PPFIA2: variants seen among roughly 807,000 people sequenced by gnomAD.
PPFIA2 encodes PPFI scaffold protein A2, also known as liprin-alpha-2.
PPFIA2 carries 46 observed loss-of-function variants against 175.5 expected under a neutral mutation model. The ratio of observed to expected loss-of-function variants is 0.26; its 90% CI spans 0.21 to 0.34. The LOEUF is 0.34. PPFIA2 is among the 10% of genes least tolerant of loss of function. PPFIA2 has a pLI of 1.00. For synonymous variants in PPFIA2, 568 were observed against 511.4 expected (o/e 1.11, Z -1.49); for missense variants, 1,179 against 1,506.1 (o/e 0.78, Z 3.60).
chr12:81,719,605 G>A lies in PPFIA2; in HGVS notation c.249+34368C>T, dbSNP rs559150462. Reference sequence around the variant, plus strand: ...TTAAGCCAAAGTGAAGCATTTGGAGGAATTAAAAAGTTTTAACTGAACATC... The same window carrying A: ...TTAAGCCAAAGTGAAGCATTTGGAGAAATTAAAAAGTTTTAACTGAACATC... On this transcript the variant is annotated intron_variant, in intron 3 of 32. Coordinates refer to ENST00000549396, the MANE Select transcript of PPFIA2 (RefSeq NM_003625.5). 5.9e-5 allele frequency among the ~76,000 whole-genome samples: 9 copies of A among 151,542 alleles called. No homozygotes were observed. The South Asian group carries it at 1.9e-3, about 31-fold the overall frequency.
chr12:81,616,412 T>C (rs2153475034), intron 4 of PPFIA2, among the ~76,000 whole-genome samples: 1 of 152,290 alleles, frequency 6.6e-6, no homozygotes, highest in East Asian at 1.9e-4. Flanking sequence ...ACAAGTATAT[T>C]ATTAATTAAA....
At chr12:81,731,112 C>T (rs2080842983) in intron 3 of PPFIA2, among the ~76,000 whole-genome samples, 2 of 151,660 alleles carry the variant, frequency 1.3e-5, no homozygotes, top group African/African-American at 4.8e-5. Context: ...TACTACAAGG[C>T]TCAGTTGAAA....
At chr12:81,704,096 C>T (rs542590526) in intron 3 of PPFIA2, among the ~76,000 whole-genome samples, 3 of 152,212 alleles carry the variant, frequency 2.0e-5, no homozygotes, top group South Asian at 2.1e-4. Flanking sequence ...CTAAGGGATG[C>T]TTAGTTCTAG....
chr12:81,326,755 C>A (rs1048628984), intron 21 of PPFIA2, among the ~76,000 whole-genome samples: 1 of 151,812 alleles, frequency 6.6e-6, no homozygotes, highest in African/African-American at 2.4e-5. Flanking sequence ...TGAAGTCGAG[C>A]TAAATGAAAA....
At chr12:81,627,572 A>G (rs925614527) in intron 4 of PPFIA2, among the ~76,000 whole-genome samples, 1 of 152,168 alleles carries the variant, frequency 6.6e-6, no homozygotes, top group Admixed American at 6.6e-5. Flanking sequence ...TATCTATTAC[A>G]TAACTCTCAA....
intron 4 of PPFIA2, among the ~76,000 whole-genome samples, chr12:81,578,219 C>G (rs1473193439): frequency 6.6e-6 from 1 of 151,620 alleles, no homozygotes; most frequent in Non-Finnish European, 1.5e-5. Flanking sequence ...TCAGAAGGCA[C>G]ACACTGTCAC....
chr12:81,638,477 T>C (rs1296578299), intron 4 of PPFIA2, among the ~76,000 whole-genome samples: 1 of 151,910 alleles, frequency 6.6e-6, no homozygotes, highest in Non-Finnish European at 1.5e-5. Context: ...AAGAGAGCCA[T>C]AAGTTAGATG....
intron 4 of PPFIA2, among the ~76,000 whole-genome samples, chr12:81,664,256 T>C (rs2153554057): frequency 6.6e-6 from 1 of 152,116 alleles, no homozygotes; most frequent in South Asian, 2.1e-4. Context: ...ACAGGCAACC[T>C]ACAGAATGGG....
chr12:81,334,767 T>A (rs2056815173), intron 21 of PPFIA2, among the ~76,000 whole-genome samples: 1 of 152,244 alleles, frequency 6.6e-6, no homozygotes, highest in South Asian at 2.1e-4. Flanking sequence ...TCTGTTTTGA[T>A]GGATGGCATT....
intron 3 of PPFIA2, among the ~76,000 whole-genome samples, chr12:81,744,719 C>T (rs1273196702): frequency 1.3e-5 from 2 of 152,194 alleles, no homozygotes; most frequent in African/African-American, 2.4e-5. Flanking sequence ...GGCCACTGCG[C>T]CCAGCCACAA....
chr12:81,346,058 T>TA (rs553347838), intron 18 of PPFIA2, among the ~76,000 whole-genome samples: 1 of 152,054 alleles, frequency 6.6e-6, no homozygotes, highest in East Asian at 1.9e-4. Context: ...GTCTTCTTTT[T>TA]AAAAAAAATT....
At position 81,283,050 on chromosome 12, in the gene PPFIA2, A is replaced by G; in HGVS notation, c.2989-11T>C. The G allele has an allele frequency of 6.2e-7, 1 of 1,611,708 alleles. No homozygotes were observed. Among genetic ancestry groups the G allele is most frequent in the Non-Finnish European group, 8.5e-7 (1 of 1,178,436 alleles). On this transcript the variant is annotated splice_polypyrimidine_tract_variant and intron_variant, in intron 25 of 32. Coordinates refer to ENST00000549396, the MANE Select transcript of PPFIA2 (RefSeq NM_003625.5). The stretch of plus-strand genomic sequence containing the variant: ...TTCCTCAGATTCTTTCTGTGTTAGC[A>G]GCAGGAAATGATTAATAAAGCAGGT...
At chr12:81,639,149 T>C (rs984354406) in intron 4 of PPFIA2, among the ~76,000 whole-genome samples, 1 of 152,220 alleles carries the variant, frequency 6.6e-6, no homozygotes, top group Non-Finnish European at 1.5e-5. Context: ...TGAAAGCCAG[T>C]AATCTTGTTC....
intron 7 of PPFIA2, among the ~76,000 whole-genome samples, chr12:81,436,805 A>AC (rs1263868676): frequency 6.6e-6 from 1 of 152,124 alleles, no homozygotes; most frequent in East Asian, 1.9e-4. Context: ...ACTAAAGTAA[A>AC]TTTTCTTTAT....
intron 4 of PPFIA2, among the ~76,000 whole-genome samples, chr12:81,476,561 A>C (rs982126844): frequency 2.6e-5 from 4 of 152,222 alleles, no homozygotes; most frequent in Non-Finnish European, 5.9e-5. Flanking sequence ...GAACTGTAAA[A>C]TAATTCAGTC....
At position 81,405,847 on chromosome 12, in the gene PPFIA2, C is replaced by A; in HGVS notation, c.702G>T (p.Glu234Asp). 6.3e-7 allele frequency: 1 copy of A among 1,581,694 alleles called. No homozygotes were observed. Among genetic ancestry groups the A allele is most frequent in the East Asian group, 2.3e-5 (1 of 43,822 alleles). ...VHIQRKMASSEGSTESEHLEG... is the reference protein window; with the variant it reads ...VHIQRKMASSDGSTESEHLEG... ...CAAGATGTTCTGACTCTGTGGATCC[C>A]TCGCTTGATGCCATTTTTCTTTGTA... The change falls in exon 8 of 33, where the codon GAG (glutamate) becomes GAT (aspartate). Residue 234 changes from glutamate (E) to aspartate (D), a missense_variant. Glu to Asp is a conservative substitution (Grantham distance 45). This residue lies in a region of PPFIA2 where 226 missense variants were observed against 216.6 expected (regional missense o/e 1.04). Transcript: ENST00000549396.
chr12:81,722,548 G>C (rs1321178252), intron 3 of PPFIA2, among the ~76,000 whole-genome samples: 1 of 150,982 alleles, frequency 6.6e-6, no homozygotes, highest in African/African-American at 2.4e-5. Flanking sequence ...AGGTTTGTCT[G>C]ACATCTTAGA....
At chr12:81,569,653 A>T (rs1663578680) in intron 4 of PPFIA2, among the ~76,000 whole-genome samples, 1 of 152,188 alleles carries the variant, frequency 6.6e-6, no homozygotes, top group Admixed American at 6.5e-5. Context: ...ACAAAATTAG[A>T]ATATTAAACA....
intron 4 of PPFIA2, among the ~76,000 whole-genome samples, chr12:81,536,889 C>A (rs896681722): frequency 1.3e-5 from 2 of 149,590 alleles, no homozygotes; most frequent in African/African-American, 4.9e-5. Context: ...TAGAAAAACA[C>A]GCTATATTTC....
Sources: gnomAD v4.1 joint callset for allele counts (sites outside exome capture counted in the v4.1 genomes callset) on GRCh38, gnomAD v4.1.1 for gene constraint, gnomAD v4.1.1 regional missense constraint, MANE v1.5 for transcripts, NCBI Gene and HGNC (gene_info 2026-07-23, HGNC 2026-07-21) for gene names.